RGS6: variants seen among roughly 807,000 people sequenced by gnomAD.
RGS6 encodes the protein regulator of G-protein signaling 6.
RGS6 carries 30 observed loss-of-function variants against 78.5 expected under a neutral mutation model. That is an observed-to-expected ratio of 0.38 (90% CI 0.29 to 0.52). RGS6 has a LOEUF of 0.52. Among genes scored for constraint, RGS6 ranks in the 20% least tolerant of loss-of-function variants. The pLI, the probability that RGS6 is intolerant of heterozygous loss-of-function variation, is 0.85. For synonymous variants in RGS6, 206 were observed against 206.0 expected (o/e 1.00, Z 0.00); for missense variants, 495 against 609.7 (o/e 0.81, Z 1.98).
At chr14:72,479,134 C>T (rs1323989766) in intron 12 of RGS6, among the ~76,000 whole-genome samples, 1 of 152,194 alleles carries the variant, frequency 6.6e-6, no homozygotes, top group African/African-American at 2.4e-5. Flanking sequence ...AAGCCCAGCT[C>T]CTACAGGGGG....
intron 2 of RGS6, among the ~76,000 whole-genome samples, chr14:72,133,977 C>T (rs897215071): frequency 1.3e-5 from 2 of 152,194 alleles, no homozygotes; most frequent in African/African-American, 4.8e-5. Context: ...CCAACCCAGA[C>T]ATAGCATCTT....
intron 2 of RGS6, among the ~76,000 whole-genome samples, chr14:72,162,674 T>C (rs866871233): frequency 2.0e-5 from 3 of 152,178 alleles, no homozygotes; most frequent in African/African-American, 7.2e-5. Context: ...GAAGTCATTA[T>C]ACGAAAAAGA....
the RGS6 span, among the ~76,000 whole-genome samples, chr14:71,909,036 C>T: frequency 0.063 from 9,637 of 152,100 alleles, 435 homozygotes; most frequent in Non-Finnish European, 0.097. Context: ...TGAGTGTTAA[C>T]GAGTTAATTA....
chr14:72,055,106 A>G (rs764449396), intron 2 of RGS6, among the ~76,000 whole-genome samples: 2 of 152,192 alleles, frequency 1.3e-5, no homozygotes, highest in South Asian at 2.1e-4. Flanking sequence ...GTCTCCTGGC[A>G]TGCATGTGCC....
downstream of RGS6, among the ~76,000 whole-genome samples, chr14:72,567,672 G>A (rs192055632): frequency 1.3e-5 from 2 of 152,270 alleles, no homozygotes; most frequent in East Asian, 1.9e-4. Flanking sequence ...ATTGATCCCA[G>A]CCTCTGAGGA....
chr14:72,060,141 C>A (rs2093820249), intron 2 of RGS6, among the ~76,000 whole-genome samples: 1 of 152,174 alleles, frequency 6.6e-6, no homozygotes, highest in Non-Finnish European at 1.5e-5. Context: ...CAGGAGCAGT[C>A]ATCCAACTCC....
At chr14:72,365,873 G>A (rs886189542) in intron 3 of RGS6, among the ~76,000 whole-genome samples, 15 of 152,106 alleles carry the variant, frequency 9.9e-5, no homozygotes, top group African/African-American at 2.9e-4. Flanking sequence ...GTTTGGGAGA[G>A]AAGACACAAG....
intron 3 of RGS6, among the ~76,000 whole-genome samples, chr14:72,441,500 C>T (rs1318733324): frequency 6.6e-6 from 1 of 152,232 alleles, no homozygotes; most frequent in African/African-American, 2.4e-5. Context: ...TCACTGCCAG[C>T]TCCCCTCATG....
intron 17 of RGS6, chr14:72,547,220 G>C (rs906205748): frequency 7.8e-6 from 12 of 1,535,472 alleles, no homozygotes. Context: ...GCCAGAGAAA[G>C]AGCATCCAAT....
At chr14:72,024,701 A>C (rs879202468) in intron 2 of RGS6, among the ~76,000 whole-genome samples, 1 of 152,234 alleles carries the variant, frequency 6.6e-6, no homozygotes, top group Admixed American at 6.5e-5. Context: ...CAGCAGGCTT[A>C]GGTGGCTCTC....
At chr14:72,584,693 A>G in the RGS6 span, among the ~76,000 whole-genome samples, 2 of 152,226 alleles carry the variant, frequency 1.3e-5, no homozygotes, top group Non-Finnish European at 2.9e-5. Context: ...CACCACCTGC[A>G]GCTGAGAGAG....
rs536217214 is a variant in RGS6 at position 72,470,027 on chromosome 14, G to A, written c.480G>A (p.Gln160=). Residue 160 remains glutamine (Q), a synonymous_variant, in exon 8 of 18, where the codon CAG becomes CAA. Coordinates refer to ENST00000553525, the MANE Select transcript of RGS6 (RefSeq NM_001204424.2). ...ATTAGGAAAACTTAGCAAGACTCCA[G>A]AGGGCCTTTGCGAGGAAGTGGGAAT... ...DYEAENLARL[Q]RAFARKWEFI... 1 of 1,613,558 alleles carries A rather than the reference G, an allele frequency of 6.2e-7. No individual in the cohort carries two copies. The highest frequency in any genetic ancestry group is 1.3e-5 in the African/African-American group (1 of 74,956).
At chr14:71,941,803 C>T (rs1252616799) in intron 1 of RGS6, among the ~76,000 whole-genome samples, 1 of 152,226 alleles carries the variant, frequency 6.6e-6, no homozygotes, top group Non-Finnish European at 1.5e-5. Flanking sequence ...GGGCAACACC[C>T]ACACAGACAC....
At chr14:72,225,945 A>G (rs1194087484) in intron 2 of RGS6, among the ~76,000 whole-genome samples, 3 of 152,204 alleles carry the variant, frequency 2.0e-5, no homozygotes, top group Non-Finnish European at 2.9e-5. Flanking sequence ...TTCTATGCTT[A>G]TAGCCATTAA....
chr14:72,381,382 G>A lies in RGS6; in HGVS notation c.184+29188G>A, dbSNP rs528450173. Among the ~76,000 whole-genome samples the A allele has an allele frequency of 7.2e-5, 11 of 152,102 alleles. No homozygotes were observed. The East Asian group carries it at 2.1e-3, about 29-fold the overall frequency. On this transcript the variant is annotated intron_variant, in intron 3 of 17. Transcript: ENST00000553525. ...CCAATCTGATCACTATGCATTATAT[G>A]TATCAAAACATCACTATGTACCCCA... is the stretch of plus-strand genomic sequence containing the variant.
chr14:72,046,515 G>A (rs1370371610), intron 2 of RGS6, among the ~76,000 whole-genome samples: 1 of 152,010 alleles, frequency 6.6e-6, no homozygotes, highest in Non-Finnish European at 1.5e-5. Context: ...AGTAAGAGGA[G>A]ATTGAAAGGT....
intron 10 of RGS6, among the ~76,000 whole-genome samples, chr14:72,475,930 G>C (rs929493996): frequency 6.6e-6 from 1 of 151,588 alleles, no homozygotes; most frequent in Admixed American, 6.6e-5. Context: ...AATATCCACT[G>C]TATTATATTT....
At chr14:72,055,909 T>G (rs899725806) in intron 2 of RGS6, among the ~76,000 whole-genome samples, 1 of 152,246 alleles carries the variant, frequency 6.6e-6, no homozygotes, top group African/African-American at 2.4e-5. Context: ...AAGTAAATAG[T>G]AGAAATTCAA....
At chr14:71,880,521 C>T in the RGS6 span, among the ~76,000 whole-genome samples, 1 of 152,316 alleles carries the variant, frequency 6.6e-6, no homozygotes, top group African/African-American at 2.4e-5. Context: ...GAACTTGGTG[C>T]CCCTTGCCTC....
Sources: gnomAD v4.1 joint callset for allele counts (sites outside exome capture counted in the v4.1 genomes callset) on GRCh38, gnomAD v4.1.1 for gene constraint, MANE v1.5 for transcripts, NCBI Gene and HGNC (gene_info 2026-07-23, HGNC 2026-07-21) for gene names.